The following OPHN1 variants were observed in gnomAD, a reference collection of about 807,000 sequenced individuals.
OPHN1 encodes oligophrenin 1.
Under a neutral mutation model 60.7 loss-of-function variants are expected in OPHN1, and 11 were observed. The ratio of observed to expected loss-of-function variants is 0.18; its 90% confidence interval spans 0.11 to 0.30. The LOEUF is 0.30. Ranked by LOEUF, OPHN1 falls within the 10% of genes least tolerant of loss-of-function variation. The pLI is 1.00. For missense variants in OPHN1, 449 were observed against 611.0 expected (o/e 0.73, Z 2.80); for synonymous variants, 226 against 222.6 (o/e 1.02, Z -0.14).
intron 2 of OPHN1, among the ~76,000 whole-genome samples, chrX:68,334,928 A>T (rs1329036383): frequency 1.8e-5 from 2 of 109,916 alleles, no homozygotes; most frequent in Admixed American, 2.0e-4. Flanking sequence ...GTGAGCCAAG[A>T]TTGCACCATT....
chrX:68,121,725 C>G (rs991123999), intron 15 of OPHN1, among the ~76,000 whole-genome samples: 2 of 108,366 alleles, frequency 1.8e-5, no homozygotes, highest in Non-Finnish European at 1.9e-5. Flanking sequence ...GTCCTTGCAC[C>G]ACCCCACACA....
chrX:68,229,482 T>C (rs1457717174), intron 6 of OPHN1, among the ~76,000 whole-genome samples: 1 of 111,767 alleles, frequency 8.9e-6, no homozygotes, highest in East Asian at 2.8e-4. Context: ...AGAGCAAAGC[T>C]GGAGGCATCA....
At chrX:68,337,365 C>G (rs775711186) in intron 2 of OPHN1, among the ~76,000 whole-genome samples, 8 of 110,905 alleles carry the variant, frequency 7.2e-5, no homozygotes, top group African/African-American at 9.8e-5. Flanking sequence ...ATAACAGCAC[C>G]GAATGCAAAA....
Position 68,072,008 on chromosome X carries a change from G to C in OPHN1, c.1834+1144C>G, listed in dbSNP as rs893986639. On this transcript the variant is annotated intron_variant, in intron 20 of 24. Transcript: ENST00000355520. ...GAAGTTAGCATATAATGTGCAGGTA[G>C]AGCTGACAAGAATTGCCAATGGATT... Among the ~76,000 whole-genome samples, 3 of 111,986 alleles carry C rather than the reference G, an allele frequency of 2.7e-5. No homozygotes were observed. The Admixed American group carries it at 2.9e-4, about 11-fold the overall frequency.
intron 15 of OPHN1, among the ~76,000 whole-genome samples, chrX:68,156,356 A>T (rs1002337875): frequency 1.8e-5 from 2 of 110,117 alleles, no homozygotes; most frequent in Non-Finnish European, 3.8e-5. Context: ...AAAAAAAGAT[A>T]AAAAAAGAAA....
intron 3 of OPHN1, among the ~76,000 whole-genome samples, chrX:68,295,779 G>A (rs1296100259): frequency 8.9e-6 from 1 of 112,043 alleles, no homozygotes; most frequent in African/African-American, 3.2e-5. Context: ...TTCTCCATGA[G>A]CTCTAGGAAG....
intron 9 of OPHN1, 184 bp downstream of exon 9, chrX:68,209,969 C>A (rs995521045): frequency 2.3e-5 from 11 of 487,687 alleles, no homozygotes; most frequent in Non-Finnish European, 3.5e-5. Context: ...TAAGACAAAT[C>A]TTTAACTTCC....
intron 5 of OPHN1, among the ~76,000 whole-genome samples, chrX:68,257,960 G>C: frequency 9.1e-6 from 1 of 110,386 alleles, no homozygotes; most frequent in Non-Finnish European, 1.9e-5. Flanking sequence ...ATTTCAGCGA[G>C]ATCACCCTTG....
intron 2 of OPHN1, among the ~76,000 whole-genome samples, chrX:68,300,253 T>C (rs2078113744): frequency 8.9e-6 from 1 of 111,771 alleles, no homozygotes; most frequent in Non-Finnish European, 1.9e-5. Flanking sequence ...CCAAGGAAAA[T>C]GGAGACAAGG....
chrX:68,273,733 G>A (rs916796467), intron 5 of OPHN1, among the ~76,000 whole-genome samples: 1 of 111,986 alleles, frequency 8.9e-6, no homozygotes, highest in Admixed American at 9.6e-5. Flanking sequence ...AGTATGGAAC[G>A]TAAAGCTAAA....
At chrX:68,229,964 G>C (rs1461325489) in intron 6 of OPHN1, among the ~76,000 whole-genome samples, 3 of 112,013 alleles carry the variant, frequency 2.7e-5, no homozygotes, top group African/African-American at 9.7e-5. Flanking sequence ...ACTACTGTCA[G>C]AGTGCACAGG....
At chrX:68,387,653 T>C (rs1354177686) in intron 2 of OPHN1, among the ~76,000 whole-genome samples, 1 of 111,662 alleles carries the variant, frequency 9.0e-6, no homozygotes, top group African/African-American at 3.2e-5. Flanking sequence ...ATTCAATAAA[T>C]ATTTGTGGAA....
chrX:68,331,730 C>CAAAAAA (rs1158512927), intron 2 of OPHN1, among the ~76,000 whole-genome samples: 1 of 39,342 alleles, frequency 2.5e-5, no homozygotes, highest in Non-Finnish European at 5.0e-5. Context: ...GACTCTGTAT[C>CAAAAAA]AAAAAAAAAA....
chrX:68,330,876 A>G (rs1415845155), intron 2 of OPHN1, among the ~76,000 whole-genome samples: 3 of 106,998 alleles, frequency 2.8e-5, no homozygotes, highest in Non-Finnish European at 1.9e-5. Context: ...TATAACTAAA[A>G]TATTTAATAT....
chrX:68,089,265 G>GA (rs1238749896), intron 19 of OPHN1, among the ~76,000 whole-genome samples: 2 of 111,210 alleles, frequency 1.8e-5, no homozygotes, highest in African/African-American at 6.5e-5. Context: ...AACAGCAAAG[G>GA]AAAAAATATA....
At chrX:68,103,800 T>C (rs1602158214) in intron 18 of OPHN1, among the ~76,000 whole-genome samples, 2 of 111,615 alleles carry the variant, frequency 1.8e-5, no homozygotes, top group South Asian at 3.8e-4. Context: ...CTATTCAACA[T>C]AGTATTGGAA....
At chrX:68,317,517 GAGAAAGAAAGAAAGAAAGAAAAAA>G (rs1470533358) in intron 2 of OPHN1, among the ~76,000 whole-genome samples, 10 of 47,827 alleles carry the variant, frequency 2.1e-4, no homozygotes, top group African/African-American at 1.6e-3. Context: ...GAAAGAGAGA[GAGAAAGAAAGAAAGAAAGAAAAAA>G]AGAAAGAAAG....
At chrX:68,386,163 G>C (rs1196374456) in intron 2 of OPHN1, among the ~76,000 whole-genome samples, 2 of 111,728 alleles carry the variant, frequency 1.8e-5, no homozygotes, top group African/African-American at 6.5e-5. Context: ...TAATTCCAAG[G>C]ACTTAACCAT....
rs1429212507 is a variant in OPHN1 at position 68,052,594 on chromosome X, C to A, written c.2325-4G>T. 2 of 1,205,802 alleles carry A rather than the reference C, an allele frequency of 1.7e-6. No individual in the cohort carries two copies. The highest frequency in any genetic ancestry group is 2.2e-6 in the Non-Finnish European group (2 of 892,019). ...AAACCTGGTCCTGGAAGCCACCCTGCAAACAGAAGCCAACCAAGTCCCATA... is the reference window on the plus strand; with the variant it reads ...AAACCTGGTCCTGGAAGCCACCCTGAAAACAGAAGCCAACCAAGTCCCATA... On this transcript the variant is annotated splice_polypyrimidine_tract_variant and splice_region_variant and intron_variant, in intron 22 of 24. Transcript: ENST00000355520.
Sources: allele counts gnomAD v4.1 joint callset (sites outside exome capture counted in the v4.1 genomes callset), GRCh38; gene constraint gnomAD v4.1.1; transcripts MANE v1.5; gene names NCBI Gene and HGNC (gene_info 2026-07-23, HGNC 2026-07-21).